The following PUS7 variants were observed in gnomAD, a reference collection of about 807,000 sequenced individuals.
PUS7 encodes the protein pseudouridine synthase 7.
A neutral mutation model predicts 79.8 loss-of-function variants in PUS7; 48 were observed. The ratio of observed to expected loss-of-function variants is 0.60; its 90% CI spans 0.48 to 0.76. The LOEUF is 0.76. Among genes scored for constraint, PUS7 ranks in the 30% least tolerant of loss-of-function variants. The pLI, the probability that PUS7 is intolerant of heterozygous loss-of-function variation, is 0.00. For missense variants in PUS7, 729 were observed against 797.6 expected (o/e 0.91, Z 1.04); for synonymous variants, 286 against 272.2 (o/e 1.05, Z -0.50).
At chr7:105,470,078 G>A (rs1333902920) in intron 11 of PUS7, among the ~76,000 whole-genome samples, 1 of 152,172 alleles carries the variant, frequency 6.6e-6, no homozygotes, top group Admixed American at 6.5e-5. Flanking sequence ...TAATTCCACG[G>A]TTAAAGAGAG....
intron 11 of PUS7, among the ~76,000 whole-genome samples, chr7:105,469,393 T>G: frequency 6.6e-6 from 1 of 152,072 alleles, no homozygotes; most frequent in South Asian, 2.1e-4. Context: ...CAGGTTCAAG[T>G]GATTCTCCCA....
At chr7:105,505,846 A>G in intron 4 of PUS7, 109 bp downstream of exon 4, 4 of 916,422 alleles carry the variant, frequency 4.4e-6, no homozygotes, top group South Asian at 3.4e-5. Context: ...CAATAGAGCA[A>G]AAAGTCACCC....
At chr7:105,506,491 C>G (rs961977992) in intron 2 of PUS7, among the ~76,000 whole-genome samples, 30 of 149,934 alleles carry the variant, frequency 2.0e-4, no homozygotes, top group Non-Finnish European at 1.5e-4. Flanking sequence ...GGCTCGATCT[C>G]CACTCACTGC....
At chr7:105,515,597 T>C (rs1012693085) in intron 1 of PUS7, among the ~76,000 whole-genome samples, 2 of 152,106 alleles carry the variant, frequency 1.3e-5, no homozygotes, top group African/African-American at 4.8e-5. Context: ...GAAATTACAT[T>C]TTTCATTGTT....
intron 7 of PUS7, among the ~76,000 whole-genome samples, chr7:105,485,730 G>T (rs1191375152): frequency 6.6e-6 from 1 of 152,174 alleles, no homozygotes; most frequent in Non-Finnish European, 1.5e-5. Context: ...TAAATCCTTG[G>T]ATGTATCTGG....
chr7:105,490,132 C>A (rs1286962448), intron 7 of PUS7, among the ~76,000 whole-genome samples: 1 of 150,866 alleles, frequency 6.6e-6, no homozygotes, highest in Non-Finnish European at 1.5e-5. Flanking sequence ...AAAAAAAATC[C>A]GAGAAACCAA....
At chr7:105,478,911 A>G (rs1232039194) in intron 9 of PUS7, among the ~76,000 whole-genome samples, 1 of 152,174 alleles carries the variant, frequency 6.6e-6, no homozygotes, top group African/African-American at 2.4e-5. Context: ...TTAATTACTT[A>G]TATTTATTTA....
chr7:105,505,977 T>A lies in PUS7; in HGVS notation c.563A>T (p.Lys188Met). The part of the protein sequence containing the change: ...RLEELQLFKN[K>M]ETSVAIEVIE... ...TACCTCAATGGCAACACTGGTTTCC[T>A]TATTTTTGAACAGCTGGAGCTCTTC... The change falls in exon 4 of 16, where the codon AAG becomes ATG. Residue 188 changes from lysine (K) to methionine (M), a missense_variant. Coordinates refer to ENST00000469408, the MANE Select transcript of PUS7 (RefSeq NM_019042.5). 6.2e-7 allele frequency: 1 copy of A among 1,612,722 alleles called. No individual in the cohort carries two copies. The highest frequency in any genetic ancestry group is 8.5e-7 in the Non-Finnish European group (1 of 1,179,490).
chr7:105,482,515 G>C, intron 7 of PUS7, 75 bp from the exon 8 acceptor site: 1 of 1,447,540 alleles, frequency 6.9e-7, no homozygotes, highest in Non-Finnish European at 9.4e-7. Context: ...TTGTCTGCTT[G>C]GAACAGTACA....
intron 11 of PUS7, chr7:105,470,483 C>G (rs556164187): frequency 2.4e-6 from 1 of 420,488 alleles, no homozygotes; most frequent in Non-Finnish European, 4.1e-6. Context: ...TTTTCTTGTG[C>G]CCTCAATAAG....
chr7:105,475,169 C>T (rs569310099), intron 9 of PUS7, among the ~76,000 whole-genome samples: 67 of 152,074 alleles, frequency 4.4e-4, no homozygotes, highest in African/African-American at 1.5e-3. Context: ...CTATCTAGCA[C>T]GCTGCACATT....
chr7:105,498,282 G>C (rs1825115298), intron 5 of PUS7, among the ~76,000 whole-genome samples: 1 of 152,082 alleles, frequency 6.6e-6, no homozygotes, highest in Non-Finnish European at 1.5e-5. Context: ...ATTTATTTTG[G>C]GCAATTTGTG....
At chr7:105,471,442 G>A (rs1823869185) in intron 10 of PUS7, among the ~76,000 whole-genome samples, 1 of 152,164 alleles carries the variant, frequency 6.6e-6, no homozygotes, top group African/African-American at 2.4e-5. Context: ...ATTTAGTAGT[G>A]AGTGAAGAAA....
At chr7:105,463,291 A>G (rs1414656735) in intron 13 of PUS7, among the ~76,000 whole-genome samples, 1 of 152,210 alleles carries the variant, frequency 6.6e-6, no homozygotes, top group Non-Finnish European at 1.5e-5. Flanking sequence ...CAATTATTAG[A>G]AAGTTCTTCC....
chr7:105,458,163 C>G (rs1218867579), intron 15 of PUS7, among the ~76,000 whole-genome samples: 1 of 151,860 alleles, frequency 6.6e-6, no homozygotes, highest in African/African-American at 2.4e-5. Flanking sequence ...CAGAAGAACA[C>G]AAAAGAGAAA....
chr7:105,516,239 C>T (rs773942501), intron 1 of PUS7, among the ~76,000 whole-genome samples: 24 of 152,240 alleles, frequency 1.6e-4, no homozygotes, highest in South Asian at 6.2e-4. Context: ...GCCACCGCAC[C>T]CGGCCCAAAT....
intron 4 of PUS7, among the ~76,000 whole-genome samples, chr7:105,504,914 T>G (rs1032074914): frequency 5.3e-5 from 8 of 152,124 alleles, no homozygotes; most frequent in African/African-American, 1.9e-4. Flanking sequence ...TGTAGTACGC[T>G]TATTAACTAG....
intron 1 of PUS7, among the ~76,000 whole-genome samples, chr7:105,515,518 G>A (rs1402663311): frequency 6.6e-6 from 1 of 152,094 alleles, no homozygotes; most frequent in African/African-American, 2.4e-5. Flanking sequence ...ACATTTGTCT[G>A]ATCTCTTTTT....
At chr7:105,488,004 T>C (rs1301174543) in intron 7 of PUS7, among the ~76,000 whole-genome samples, 1 of 152,126 alleles carries the variant, frequency 6.6e-6, no homozygotes, top group Non-Finnish European at 1.5e-5. Flanking sequence ...CCTGGCCCCA[T>C]GTATCCATTA....
Sources: gnomAD v4.1 joint callset for allele counts (sites outside exome capture counted in the v4.1 genomes callset) on GRCh38, gnomAD v4.1.1 for gene constraint, MANE v1.5 for transcripts, NCBI Gene and HGNC (gene_info 2026-07-23, HGNC 2026-07-21) for gene names.